TBL1X: variants seen among roughly 807,000 people sequenced by gnomAD.
TBL1X encodes the protein F-box-like/WD repeat-containing protein TBL1X.
In TBL1X, 10 loss-of-function variants were observed where a neutral mutation model predicts 50.7. The ratio of observed to expected loss-of-function variants is 0.20; its 90% CI spans 0.12 to 0.33. The LOEUF is 0.33. Among genes scored for constraint, TBL1X ranks in the 10% least tolerant of loss-of-function variants. The pLI is 1.00. For missense variants in TBL1X, 340 were observed against 504.4 expected (o/e 0.67, Z 3.12); for synonymous variants, 190 against 214.7 (o/e 0.88, Z 1.01).
intron 1 of TBL1X, among the ~76,000 whole-genome samples, chrX:9,465,901 C>T (rs1257428003): frequency 8.8e-6 from 1 of 113,019 alleles, no homozygotes; most frequent in Non-Finnish European, 1.9e-5. Context: ...GAGAAGAGCC[C>T]CATTCATACC....
At chrX:9,485,698 T>C (rs2081907880) in intron 1 of TBL1X, among the ~76,000 whole-genome samples, 1 of 111,277 alleles carries the variant, frequency 9.0e-6, no homozygotes, top group East Asian at 2.8e-4. Flanking sequence ...CTGGAACCTT[T>C]GGGCAAAGCA....
intron 1 of TBL1X, among the ~76,000 whole-genome samples, chrX:9,475,887 C>T (rs768488542): frequency 8.9e-6 from 1 of 112,046 alleles, no homozygotes; most frequent in Non-Finnish European, 1.9e-5. Context: ...GAATTCGCAA[C>T]ATAACTTTGT....
At chrX:9,519,512 T>C (rs1240292655) in intron 2 of TBL1X, among the ~76,000 whole-genome samples, 1 of 112,408 alleles carries the variant, frequency 8.9e-6, no homozygotes, top group Admixed American at 9.4e-5. Flanking sequence ...TTTTACAGCA[T>C]AGTTTCTAGG....
intron 11 of TBL1X, among the ~76,000 whole-genome samples, chrX:9,694,954 C>T (rs180690862): frequency 0.036 from 3,182 of 87,853 alleles, 122 homozygotes; most frequent in African/African-American, 0.11. Context: ...AGCAAAACTT[C>T]ATCTCAAATA....
At chrX:9,505,352 T>C (rs1464150058) in intron 2 of TBL1X, among the ~76,000 whole-genome samples, 1 of 111,267 alleles carries the variant, frequency 9.0e-6, no homozygotes, top group Non-Finnish European at 1.9e-5. Flanking sequence ...CACATGAAAA[T>C]ATAAAGACCA....
At chrX:9,513,089 G>T (rs2082064546) in intron 2 of TBL1X, among the ~76,000 whole-genome samples, 2 of 110,762 alleles carry the variant, frequency 1.8e-5, no homozygotes, top group African/African-American at 6.6e-5. Flanking sequence ...CCCGGAGGAA[G>T]CCCCCAGAGT....
intron 2 of TBL1X, among the ~76,000 whole-genome samples, chrX:9,539,527 T>C (rs907846801): frequency 8.9e-6 from 1 of 111,795 alleles, no homozygotes; most frequent in East Asian, 2.8e-4. Context: ...GTTCTACTTA[T>C]TCTTTGACGT....
intron 15 of TBL1X, among the ~76,000 whole-genome samples, chrX:9,711,243 G>A (rs1331241590): frequency 9.2e-6 from 1 of 108,520 alleles, no homozygotes; most frequent in Non-Finnish European, 1.9e-5. Context: ...TGCTGAGGCT[G>A]AGGCGGGAGG....
At chrX:9,503,921 C>G (rs2082013754) in intron 2 of TBL1X, among the ~76,000 whole-genome samples, 1 of 112,154 alleles carries the variant, frequency 8.9e-6, no homozygotes, top group South Asian at 3.7e-4. Flanking sequence ...AAAACACACC[C>G]TCTCCACCAA....
At chrX:9,653,238 T>G (rs1457214409) in intron 3 of TBL1X, among the ~76,000 whole-genome samples, 1 of 112,981 alleles carries the variant, frequency 8.9e-6, no homozygotes, top group Non-Finnish European at 1.9e-5. Flanking sequence ...CCCAGCTGTT[T>G]GGAGTGAGCA....
At chrX:9,599,023 A>G (rs1398197734) in intron 2 of TBL1X, among the ~76,000 whole-genome samples, 15 of 108,618 alleles carry the variant, frequency 1.4e-4, no homozygotes, top group African/African-American at 4.7e-4. Context: ...GGCTCACTGC[A>G]ACCCCCGCCT....
intron 2 of TBL1X, among the ~76,000 whole-genome samples, chrX:9,634,180 G>A (rs1488006536): frequency 1.8e-5 from 2 of 111,404 alleles, no homozygotes; most frequent in South Asian, 3.8e-4. Context: ...AAATGAAAAG[G>A]CGGCAGAACC....
chrX:9,694,848 C>T (rs959249715), intron 11 of TBL1X, among the ~76,000 whole-genome samples: 4 of 109,904 alleles, frequency 3.6e-5, no homozygotes, highest in Admixed American at 9.8e-5. Flanking sequence ...TGGGGGATGC[C>T]TGTAATCCCA....
At chrX:9,500,647 G>A (rs2081996618) in intron 1 of TBL1X, among the ~76,000 whole-genome samples, 1 of 112,011 alleles carries the variant, frequency 8.9e-6, no homozygotes, top group Non-Finnish European at 1.9e-5. Context: ...CTACCCAATT[G>A]TGGTGGGTGC....
chrX:9,479,938 A>ATGTGTGTGTGTGTGTGTGTGTGTG (rs112927270), intron 1 of TBL1X, among the ~76,000 whole-genome samples: 2,698 of 94,903 alleles, frequency 0.028, 83 homozygotes, highest in Non-Finnish European at 0.037. Context: ...GGAAAGTAGA[A>ATGTGTGTGTGTGTGTGTGTGTGTG]TGTGTGTGTG....
At chrX:9,688,910 T>C (rs1433251155) in intron 7 of TBL1X, among the ~76,000 whole-genome samples, 1 of 113,853 alleles carries the variant, frequency 8.8e-6, no homozygotes, top group Non-Finnish European at 1.9e-5. Flanking sequence ...TGCACTTGCA[T>C]GCACAGGTAT....
intron 2 of TBL1X, among the ~76,000 whole-genome samples, chrX:9,620,860 TC>T (rs1001247243): frequency 2.7e-5 from 3 of 111,785 alleles, no homozygotes; most frequent in African/African-American, 9.8e-5. Context: ...CTGTGATGAC[TC>T]CCACTGGGTC....
At chrX:9,578,646 G>A (rs1046535501) in intron 2 of TBL1X, among the ~76,000 whole-genome samples, 7 of 111,945 alleles carry the variant, frequency 6.3e-5, no homozygotes, top group Middle Eastern at 4.6e-3. Context: ...TGTGGCAGAT[G>A]CAGGGGTGGC....
chrX:9,654,148 T>C (rs1380058483), intron 4 of TBL1X, 67 bp from the exon 5 acceptor site: 19 of 943,788 alleles, frequency 2.0e-5, no homozygotes, highest in Non-Finnish European at 2.6e-5. Flanking sequence ...TTTTCTTTAG[T>C]CATCTCAAAA....
Sources: gnomAD v4.1 joint callset for allele counts (sites outside exome capture counted in the v4.1 genomes callset) on GRCh38, gnomAD v4.1.1 for gene constraint, MANE v1.5 for transcripts, NCBI Gene and HGNC (gene_info 2026-07-23, HGNC 2026-07-21) for gene names.